CPSF4: variants seen among roughly 807,000 people sequenced by gnomAD.
CPSF4 encodes cleavage and polyadenylation specific factor 4, also known as cleavage and polyadenylation specificity factor subunit 4.
In CPSF4, 11 loss-of-function variants were observed where a neutral mutation model predicts 37.7. That is an observed-to-expected ratio of 0.29 (90% CI 0.18 to 0.48). The LOEUF is 0.48. Ranked by LOEUF, CPSF4 falls within the 20% of genes least tolerant of loss-of-function variation. The pLI, the probability that CPSF4 is intolerant of heterozygous loss-of-function variation, is 0.99. For synonymous variants in CPSF4, 132 were observed against 135.9 expected, an observed-to-expected ratio of 0.97 and a Z score of 0.20; for missense variants, 144 against 359.5, an observed-to-expected ratio of 0.40 and a Z score of 4.85.
intron 1 of CPSF4, among the ~76,000 whole-genome samples, chr7:99,440,299 C>G (rs909836896): frequency 1.3e-5 from 2 of 152,154 alleles, no homozygotes; most frequent in African/African-American, 4.8e-5. Context: ...GCGGTCACAC[C>G]TTCTCATGCA....
In CPSF4 at chr7:99,456,881, G is replaced by A; in HGVS notation, c.*381G>A. The stretch of plus-strand genomic sequence containing the variant: ...CAGTTCTTGGTGACGCCAGGGGCTG[G>A]TAGGTCATTCAAAGCTGTGGCCAGC... On this transcript the variant is annotated 3_prime_UTR_variant, in exon 8 of 8. Transcript: ENST00000292476. 2.7e-6 allele frequency: 1 copy of A among 367,932 alleles called. No homozygotes were observed. Among genetic ancestry groups the A allele is most frequent in the South Asian group, 2.2e-5 (1 of 46,494 alleles). 22.8% of individuals were successfully genotyped at this position (367,932 alleles called of 1,614,324 possible). A position where few individuals can be genotyped will look rare whatever the true frequency, so the allele number is the denominator to read the frequency against.
intron 2 of CPSF4, among the ~76,000 whole-genome samples, chr7:99,446,017 AAGAG>A (rs901188563): frequency 1.8e-4 from 27 of 152,240 alleles, no homozygotes; most frequent in African/African-American, 6.0e-4. Context: ...AAGCTTGAAA[AAGAG>A]AGCAGAGAAT....
intron 3 of CPSF4, among the ~76,000 whole-genome samples, chr7:99,449,720 A>T (rs1281428238): frequency 2.0e-5 from 3 of 152,206 alleles, no homozygotes; most frequent in African/African-American, 7.2e-5. Context: ...AGTGCTTTGA[A>T]GGAAGGAAAC....
At chr7:99,445,789 C>G (rs1437860094) in intron 2 of CPSF4, among the ~76,000 whole-genome samples, 1 of 151,906 alleles carries the variant, frequency 6.6e-6, no homozygotes, top group Non-Finnish European at 1.5e-5. Flanking sequence ...GAGGCTGAGG[C>G]AGGAGAATCA....
At chr7:99,454,671 T>C (rs1019297217) in intron 7 of CPSF4, among the ~76,000 whole-genome samples, 2 of 152,194 alleles carry the variant, frequency 1.3e-5, no homozygotes, top group African/African-American at 4.8e-5. Context: ...TCTTGATAGT[T>C]TGACGTTATT....
At chr7:99,446,704 C>T (rs1797525319) in intron 2 of CPSF4, among the ~76,000 whole-genome samples, 1 of 146,958 alleles carries the variant, frequency 6.8e-6, no homozygotes, top group South Asian at 2.2e-4. Context: ...ACCTCCTGGG[C>T]CCAAGTGATC....
chr7:99,449,732 G>A (rs144039229), intron 3 of CPSF4, among the ~76,000 whole-genome samples: 4 of 152,314 alleles, frequency 2.6e-5, no homozygotes, highest in East Asian at 1.9e-4. Context: ...GAAGGAAACC[G>A]TGACCAGAAC....
intron 5 of CPSF4, among the ~76,000 whole-genome samples, 182 bp from the exon 6 acceptor site, chr7:99,452,186 A>G (rs1797981224): frequency 6.6e-6 from 1 of 152,160 alleles, no homozygotes. Context: ...GTGGCCTCCC[A>G]GGAGCAGAGC....
Position 99,457,175 on chromosome 7 carries a change from C to T in CPSF4, c.*675C>T, listed in dbSNP as rs1190293885. The T allele has an allele frequency of 6.2e-6, 1 of 160,896 alleles. No individual in the cohort carries two copies. Among genetic ancestry groups the T allele is most frequent in the African/African-American group, 2.4e-5 (1 of 41,522 alleles). The allele number at this position is 160,896 out of a possible 1,614,324, so 10.0% of individuals were successfully genotyped here. On this transcript the variant is annotated 3_prime_UTR_variant, in exon 8 of 8. Transcript: ENST00000292476. ...TTGCAGACTTTTAAATAGATGACCCCTTCAGATCATCTGTGCCTACCTCCT... is the reference window on the plus strand; with the variant it reads ...TTGCAGACTTTTAAATAGATGACCCTTTCAGATCATCTGTGCCTACCTCCT...
rs1299893142 is a variant in CPSF4, at chr7:99,453,998, C to T, written c.603C>T (p.Ser201=). 1.2e-6 allele frequency: 2 copies of T among 1,614,142 alleles called. No homozygotes were observed. The highest frequency in any genetic ancestry group is 1.1e-5 in the South Asian group (1 of 91,058). Residue 201 remains serine (S), a synonymous_variant, in exon 7 of 8, where the codon TCC becomes TCT. Coordinates refer to ENST00000292476, the MANE Select transcript of CPSF4 (RefSeq NM_006693.4). This position sits in a 1 kb window ranked among gnomAD's most constrained non-coding sequence, Gnocchi z 4.7. ...ACAATCCGCCATTACAAAGGTCGTC[C>T]TCCTTGATCCAGTTAACGAGTCAGA... ...QSNNPPLQRS[S]SLIQLTSQNS...
At position 99,453,833 on chromosome 7, in the gene CPSF4, G is replaced by T; in HGVS notation, c.571-133G>T. 1.3e-6 allele frequency: 1 copy of T among 772,640 alleles called. No individual in the cohort carries two copies. The highest frequency in any genetic ancestry group is 2.2e-6 in the Non-Finnish European group (1 of 459,280). The allele number at this position is 772,640 out of a possible 1,614,324, so 47.9% of individuals were successfully genotyped here. A position where few individuals can be genotyped will look rare whatever the true frequency, so the allele number is the denominator to read the frequency against. The stretch of plus-strand genomic sequence containing the variant: ...ATGTTTCTCTGCTGCCCACTGTCCT[G>T]AGGTGGGCCGTCGTGGAAGCCCTGC... On this transcript the variant is annotated intron_variant, in intron 6 of 7. Transcript: ENST00000292476. The surrounding 1 kb of genome is among the most constrained non-coding windows in gnomAD (Gnocchi z 4.7).
Position 99,456,534 on chromosome 7 carries a change from G to C in CPSF4, c.*34G>C. 1.9e-6 allele frequency: 3 copies of C among 1,596,638 alleles called. No individual in the cohort carries two copies. The highest frequency in any genetic ancestry group is 2.6e-6 in the Non-Finnish European group (3 of 1,165,054). On this transcript the variant is annotated 3_prime_UTR_variant, in exon 8 of 8. Transcript: ENST00000292476. ...GGAGCCAGCTCCGAGCAGCCCGGGG[G>C]CCCCGCTGTTGGGAGTGTGCATTTA...
chr7:99,454,177 A>G, intron 7 of CPSF4, 41 bp downstream of exon 7: 1 of 1,554,034 alleles, frequency 6.4e-7, no homozygotes, highest in South Asian at 1.2e-5. Flanking sequence ...GTCTTCCCTT[A>G]CCGTCAGTGG....
rs1797702904 is a variant in CPSF4, at chr7:99,448,509, A to C, written c.307+236A>C. On this transcript the variant is annotated intron_variant, in intron 3 of 7. Transcript: ENST00000292476. The surrounding 1 kb of genome is among the most constrained non-coding windows in gnomAD (Gnocchi z 4.4). ...GACATAGGGTCTCGCTATGTTTCAC[A>C]TACTGGTCTTGAACTCCTGGGCTCG... is the stretch of plus-strand genomic sequence containing the variant. The C allele has an allele frequency of 9.4e-6, 4 of 425,402 alleles. No homozygotes were observed. The highest frequency in any genetic ancestry group is 1.2e-5 in the Non-Finnish European group (3 of 243,082). The allele number at this position is 425,402 out of a possible 1,614,324, so 26.4% of individuals were successfully genotyped here. A position where few individuals can be genotyped will look rare whatever the true frequency, so the allele number is the denominator to read the frequency against.
chr7:99,448,182 G>A lies in CPSF4; in HGVS notation c.216G>A (p.Leu72=). The change falls in exon 3 of 8, where the codon CTG becomes CTA. Residue 72 remains leucine, a synonymous_variant. Coordinates refer to ENST00000292476, the MANE Select transcript of CPSF4 (RefSeq NM_006693.4). The surrounding 1 kb of genome is among the most constrained non-coding windows in gnomAD (Gnocchi z 4.4). ...GEKTVVCKHW[L]RGLCKKGDQC... is the part of the protein sequence containing the mutation. ...AGACAGTTGTGTGCAAACACTGGCT[G>A]CGTGGCCTATGCAAGAAAGGGGACC... 2 of 1,614,168 alleles carry A rather than the reference G, an allele frequency of 1.2e-6. No homozygotes were observed. Among genetic ancestry groups the A allele is most frequent in the South Asian group, 1.1e-5 (1 of 91,090 alleles).
At chr7:99,443,328 T>C (rs1797189434) in intron 1 of CPSF4, 1 of 945,298 alleles carries the variant, frequency 1.1e-6, no homozygotes, top group Non-Finnish European at 1.7e-6. Flanking sequence ...TTCTGTTTCA[T>C]CTCCTAGTAC....
At chr7:99,456,262 C>A (rs535062717) in intron 7 of CPSF4, 170 bp from the exon 8 acceptor site, 16 of 646,488 alleles carry the variant, frequency 2.5e-5, no homozygotes, top group Non-Finnish European at 3.9e-5. Flanking sequence ...TGAGCTCCCT[C>A]ACCCTCTAAT....
At chr7:99,439,848 C>T (rs1796730732) in intron 1 of CPSF4, among the ~76,000 whole-genome samples, 1 of 152,114 alleles carries the variant, frequency 6.6e-6, no homozygotes, top group African/African-American at 2.4e-5. Flanking sequence ...ACTCACTCTC[C>T]TGGGAGCTCA....
chr7:99,440,674 A>ATATATATATATATTTTTTTTTTTT, intron 1 of CPSF4, among the ~76,000 whole-genome samples: 2 of 88,084 alleles, frequency 2.3e-5, no homozygotes, highest in South Asian at 4.3e-4. Flanking sequence ...ATATATATAT[A>ATATATATATATATTTTTTTTTTTT]TTTTTTTTTT....
Sources: allele counts gnomAD v4.1 joint callset (sites outside exome capture counted in the v4.1 genomes callset), GRCh38; gene constraint gnomAD v4.1.1; non-coding constraint Gnocchi (gnomAD v3.1); transcripts MANE v1.5; gene names NCBI Gene and HGNC (gene_info 2026-07-23, HGNC 2026-07-21).